The following SDK1 variants were observed in gnomAD, a reference collection of about 807,000 sequenced individuals.
The protein encoded by SDK1 is protein sidekick-1.
Under a neutral mutation model 245.5 loss-of-function variants are expected in SDK1, and 157 were observed. The ratio of observed to expected loss-of-function variants is 0.64; its 90% CI spans 0.56 to 0.73. The LOEUF is 0.73. Among genes scored for constraint, SDK1 ranks in the 30% least tolerant of loss-of-function variants. The pLI is 0.00. For synonymous variants in SDK1, 1,647 were observed against 1,278.5 expected (o/e 1.29, Z -6.15); for missense variants, 3,583 against 3,002.3 (o/e 1.19, Z -4.52).
chr7:3,865,201 G>A (rs1780791508), intron 5 of SDK1, among the ~76,000 whole-genome samples: 1 of 152,190 alleles, frequency 6.6e-6, no homozygotes, highest in African/African-American at 2.4e-5. Context: ...CAGCAGATGG[G>A]GCAGGAGGGC....
At chr7:4,136,150 G>A (rs375808120) in intron 28 of SDK1, among the ~76,000 whole-genome samples, 1 of 152,252 alleles carries the variant, frequency 6.6e-6, no homozygotes, top group East Asian at 1.9e-4. Context: ...ACACAGCACC[G>A]TGTCTACCTG....
At chr7:3,635,672 T>C (rs2128649652) in intron 2 of SDK1, among the ~76,000 whole-genome samples, 1 of 152,316 alleles carries the variant, frequency 6.6e-6, no homozygotes, top group East Asian at 1.9e-4. Flanking sequence ...TCTTCTCCCC[T>C]TTTTGGAAAA....
chr7:3,904,321 G>C (rs1247291302), intron 5 of SDK1, among the ~76,000 whole-genome samples: 2 of 152,124 alleles, frequency 1.3e-5, no homozygotes, highest in Non-Finnish European at 2.9e-5. Flanking sequence ...GAAGAGTATA[G>C]GATTTCCTTT....
chr7:3,950,207 G>T (rs1780746251), intron 5 of SDK1, among the ~76,000 whole-genome samples: 1 of 152,244 alleles, frequency 6.6e-6, no homozygotes, highest in Admixed American at 6.5e-5. Flanking sequence ...GAGGACACTG[G>T]CTGTGCTTGG....
chr7:4,233,212 C>A, intron 40 of SDK1, 43 bp from the exon 41 acceptor site: 1 of 1,581,672 alleles, frequency 6.3e-7, no homozygotes, highest in South Asian at 1.1e-5. Flanking sequence ...TCTGGGACTT[C>A]GCACTTCTAA....
At chr7:3,689,925 A>G (rs2060180) in intron 4 of SDK1, among the ~76,000 whole-genome samples, 127,482 of 152,242 alleles carry the variant, frequency 0.84, 53,534 homozygotes, top group Non-Finnish European at 0.86. Context: ...TTGCAAACAA[A>G]AATATTTTCA....
In SDK1 at chr7:4,266,232, G is replaced by A. The variant is rs1024545196; in HGVS notation, c.*848G>A. ...CAGAATTGCTTGTTACGTAGGAAGC[G>A]TGCATTGTTAACCAGAGTATTTTTA... On this transcript the variant is annotated 3_prime_UTR_variant, in exon 45 of 45. Coordinates refer to ENST00000404826, the MANE Select transcript of SDK1 (RefSeq NM_152744.4). The A allele has an allele frequency of 6.1e-6, 6 of 985,386 alleles. No individual in the cohort carries two copies. The highest frequency in any genetic ancestry group is 7.2e-6 in the Non-Finnish European group (6 of 829,848). 61.0% of individuals were successfully genotyped at this position (985,386 alleles called of 1,614,324 possible).
At chr7:4,246,332 AC>A (rs549636513) in intron 44 of SDK1, among the ~76,000 whole-genome samples, 48 of 152,122 alleles carry the variant, frequency 3.2e-4, no homozygotes, top group African/African-American at 1.1e-3. Context: ...GGCCTAGACC[AC>A]CTCTTACAGA....
At chr7:3,611,096 A>G (rs1270112642) in intron 1 of SDK1, among the ~76,000 whole-genome samples, 1 of 152,230 alleles carries the variant, frequency 6.6e-6, no homozygotes, top group Non-Finnish European at 1.5e-5. Context: ...ACAAGGCAGT[A>G]GTAGAGAGAG....
chr7:4,006,758 C>T, intron 14 of SDK1, among the ~76,000 whole-genome samples: 1 of 152,096 alleles, frequency 6.6e-6, no homozygotes, highest in Non-Finnish European at 1.5e-5. Context: ...CTGGGCAGGC[C>T]CCGAGATGCA....
chr7:3,876,498 G>A (rs1781080020), intron 5 of SDK1, among the ~76,000 whole-genome samples: 1 of 152,076 alleles, frequency 6.6e-6, no homozygotes, highest in Non-Finnish European at 1.5e-5. Context: ...ATGAACAGAT[G>A]CTTTTAGAAA....
At chr7:3,656,896 G>C (rs909587925) in intron 4 of SDK1, among the ~76,000 whole-genome samples, 1 of 151,880 alleles carries the variant, frequency 6.6e-6, no homozygotes, top group Non-Finnish European at 1.5e-5. Flanking sequence ...TACAGGCGCC[G>C]GCCACCGCGC....
At chr7:3,884,083 G>GTTTT (rs529710738) in intron 5 of SDK1, among the ~76,000 whole-genome samples, 2 of 136,192 alleles carry the variant, frequency 1.5e-5, no homozygotes. Context: ...TTGTTTTTTT[G>GTTTT]TTTTTTTTTT....
At chr7:3,356,443 A>G (rs761632284) in intron 1 of SDK1, among the ~76,000 whole-genome samples, 1 of 152,112 alleles carries the variant, frequency 6.6e-6, no homozygotes, top group Non-Finnish European at 1.5e-5. Context: ...CCTTATCCCC[A>G]AGTCTCTGTG....
chr7:3,372,222 T>G (rs186855884), intron 1 of SDK1, among the ~76,000 whole-genome samples: 56 of 152,294 alleles, frequency 3.7e-4, no homozygotes, highest in African/African-American at 1.3e-3. Context: ...GTCTTACAGC[T>G]TCCTGACCTT....
At chr7:4,113,046 G>A (rs182223730) in intron 23 of SDK1, among the ~76,000 whole-genome samples, 22 of 152,048 alleles carry the variant, frequency 1.4e-4, no homozygotes, top group Non-Finnish European at 2.5e-4. Flanking sequence ...TTGATCCCCC[G>A]CCACCGCCTG....
rs113353245 is a variant in SDK1, at chr7:3,551,803, A to G, written c.299-67277A>G. ...CAGTGTTTCCACCCTGGCCTCCCGA[A>G]GAGTTGAGATTACAGGCATGAGCCA... On this transcript the variant is annotated intron_variant, in intron 1 of 44. Transcript: ENST00000404826. Among the ~76,000 whole-genome samples, 238 of 152,026 alleles carry G rather than the reference A, an allele frequency of 1.6e-3. 2 individuals are homozygous for G. Among genetic ancestry groups the G allele is most frequent in the African/African-American group, 5.5e-3 (226 of 41,458 alleles).
chr7:3,823,762 A>C lies in SDK1; in HGVS notation c.847+2179A>C, dbSNP rs148765206. Among the ~76,000 whole-genome samples, 797 of 152,268 alleles carry C rather than the reference A, an allele frequency of 5.2e-3. 8 individuals are homozygous for C. The highest frequency in any genetic ancestry group is 0.018 in the African/African-American group (730 of 41,548). Reference sequence around the variant, plus strand: ...CAGTTGATGATATGGACTTATTTTAAATCTTAGGACAAAACCTACATTTTG... The same window carrying C: ...CAGTTGATGATATGGACTTATTTTACATCTTAGGACAAAACCTACATTTTG... On this transcript the variant is annotated intron_variant, in intron 5 of 44. Transcript: ENST00000404826.
chr7:3,571,558 G>C (rs1169988995), intron 1 of SDK1, among the ~76,000 whole-genome samples: 2 of 151,986 alleles, frequency 1.3e-5, no homozygotes, highest in Non-Finnish European at 2.9e-5. Context: ...TCCTGCCTTA[G>C]CCTCCCAAAG....
Sources: allele counts gnomAD v4.1 joint callset (sites outside exome capture counted in the v4.1 genomes callset), GRCh38; gene constraint gnomAD v4.1.1; transcripts MANE v1.5; gene names NCBI Gene and HGNC (gene_info 2026-07-23, HGNC 2026-07-21).